Variants in HMCN1 observed in about 807,000 individuals in gnomAD.
HMCN1 encodes hemicentin 1.
HMCN1 carries 321 observed loss-of-function variants against 625.9 expected under a neutral mutation model. The observed-to-expected ratio is 0.51, with a 90% CI of 0.47 to 0.56. The LOEUF (loss-of-function observed/expected upper bound fraction) is 0.56, where lower values mean the gene tolerates loss of function less well. Ranked by LOEUF, HMCN1 falls within the 20% of genes least tolerant of loss-of-function variation. HMCN1 has a pLI of 0.00. For synonymous variants in HMCN1, 2,425 were observed against 2,417.6 expected (o/e 1.00, Z -0.09); for missense variants, 6,588 against 6,887.3 (o/e 0.96, Z 1.54).
At chr1:185,743,169 C>T (rs956988594) in intron 1 of HMCN1, among the ~76,000 whole-genome samples, 1 of 152,196 alleles carries the variant, frequency 6.6e-6, no homozygotes, top group African/African-American at 2.4e-5. Context: ...ATTTATCTTA[C>T]AGCCACACAA....
chr1:185,821,036 A>G (rs1571401450), intron 1 of HMCN1, among the ~76,000 whole-genome samples: 1 of 151,844 alleles, frequency 6.6e-6, no homozygotes, highest in Admixed American at 6.6e-5. Context: ...ATATATATGT[A>G]CATGTAATAT....
chr1:185,753,608 T>C (rs1654951090), intron 1 of HMCN1, among the ~76,000 whole-genome samples: 1 of 152,212 alleles, frequency 6.6e-6, no homozygotes, highest in Non-Finnish European at 1.5e-5. Flanking sequence ...TGAGCCACTT[T>C]AGTCCATCTT....
chr1:186,096,946 G>A (rs998265490), intron 68 of HMCN1, among the ~76,000 whole-genome samples: 1 of 152,012 alleles, frequency 6.6e-6, no homozygotes, highest in Non-Finnish European at 1.5e-5. Flanking sequence ...CACTAAACAG[G>A]AAAAAGTTGA....
At chr1:185,824,369 C>T (rs1320673857) in intron 1 of HMCN1, among the ~76,000 whole-genome samples, 1 of 152,146 alleles carries the variant, frequency 6.6e-6, no homozygotes, top group Non-Finnish European at 1.5e-5. Context: ...ACGTATCTCA[C>T]ACAGTCTGTT....
chr1:186,093,076 T>A, intron 64 of HMCN1, 58 bp from the exon 65 acceptor site: 1 of 1,608,394 alleles, frequency 6.2e-7, no homozygotes, highest in Non-Finnish European at 8.5e-7. Context: ...GGCTTTCATG[T>A]ACTTAGTGAA....
At chr1:185,856,209 C>T (rs566873047) in intron 2 of HMCN1, among the ~76,000 whole-genome samples, 1 of 152,298 alleles carries the variant, frequency 6.6e-6, no homozygotes, top group African/African-American at 2.4e-5. Context: ...CAGCTTTAGA[C>T]TAGGCGTGGT....
chr1:186,001,833 T>C, intron 28 of HMCN1, 92 bp downstream of exon 28: 2 of 1,049,040 alleles, frequency 1.9e-6, no homozygotes, highest in Non-Finnish European at 2.9e-6. Flanking sequence ...GAGAAAAAGA[T>C]AAATTGACAG....
At chr1:186,071,120 A>G (rs552096887) in intron 52 of HMCN1, among the ~76,000 whole-genome samples, 1 of 152,202 alleles carries the variant, frequency 6.6e-6, no homozygotes, top group East Asian at 1.9e-4. Flanking sequence ...TGCTGTTGTT[A>G]TTTTGCAGTT....
intron 82 of HMCN1, among the ~76,000 whole-genome samples, chr1:186,127,367 A>T (rs1166446240): frequency 6.6e-6 from 1 of 152,160 alleles, no homozygotes; most frequent in Non-Finnish European, 1.5e-5. Context: ...ACTGTATGAG[A>T]TCACCAAAAA....
Position 185,909,498 on chromosome 1 carries a change from C to T in HMCN1, c.783C>T (p.Arg261=), listed in dbSNP as rs759626331. 8.1e-6 allele frequency: 13 copies of T among 1,612,802 alleles called. No homozygotes were observed. Among genetic ancestry groups the T allele is most frequent in the Middle Eastern group, 3.3e-4 (2 of 6,046 alleles). The change falls in exon 5 of 107, where the codon CGC becomes CGT. Residue 261 remains arginine, a synonymous_variant. Transcript: ENST00000271588. ...LSGPSPMIEI[R]NPLGKLIKKG... ...GGCCTTCTCCAATGATTGAAATTCGCAATCCTTTAGGTGAGATATATCAAA... is the reference window on the plus strand; with the variant it reads ...GGCCTTCTCCAATGATTGAAATTCGTAATCCTTTAGGTGAGATATATCAAA...
chr1:186,185,227 G>A (rs7518663), intron 105 of HMCN1, among the ~76,000 whole-genome samples: 11,755 of 152,148 alleles, frequency 0.077, 1,237 homozygotes, highest in African/African-American at 0.24. Context: ...CACTATCATG[G>A]ACCCCTGCAG....
chr1:186,069,918 G>T (rs898062402), intron 51 of HMCN1, 142 bp downstream of exon 51: 18 of 687,244 alleles, frequency 2.6e-5, no homozygotes, highest in Non-Finnish European at 4.7e-5. Context: ...AAGGATGGAA[G>T]TTGAATTAAG....
At chr1:186,158,268 G>T (rs1386820359) in intron 97 of HMCN1, among the ~76,000 whole-genome samples, 1 of 150,584 alleles carries the variant, frequency 6.6e-6, no homozygotes, top group Non-Finnish European at 1.5e-5. Context: ...CATGTCCTTC[G>T]CCCACTTTTT....
intron 37 of HMCN1, 122 bp from the exon 38 acceptor site, chr1:186,038,707 A>C: frequency 1.5e-6 from 1 of 688,412 alleles, no homozygotes; most frequent in East Asian, 2.7e-5. Flanking sequence ...TGATTATGTA[A>C]ACAGATTAAA....
In HMCN1 at chr1:186,188,020, C is replaced by T. The variant is rs1653461930; in HGVS notation, c.16541+11C>T. ...GGATCCTGTTTCAGGGTATGTCTTG[C>T]CTTCTCATCCCAGACATGCTTTTGA... On this transcript the variant is annotated intron_variant, in intron 106 of 106. Transcript: ENST00000271588. The T allele has an allele frequency of 1.2e-6, 2 of 1,613,616 alleles. No homozygotes were observed. The highest frequency in any genetic ancestry group is 3.3e-5 in the Admixed American group (2 of 59,976).
At chr1:186,004,939 T>G (rs1653453886) in intron 29 of HMCN1, among the ~76,000 whole-genome samples, 1 of 151,910 alleles carries the variant, frequency 6.6e-6, no homozygotes, top group Non-Finnish European at 1.5e-5. Flanking sequence ...AAGAATAAGA[T>G]CAAGTTATGT....
At chr1:185,795,351 AAG>A (rs1658298410) in intron 1 of HMCN1, among the ~76,000 whole-genome samples, 1 of 152,172 alleles carries the variant, frequency 6.6e-6, no homozygotes, top group African/African-American at 2.4e-5. Flanking sequence ...TAAAAAAATA[AAG>A]AGTCATTTTA....
rs951336633 is a variant in HMCN1, at chr1:185,807,971, T to C, written c.269-38055T>C. ...TCTGAAGGTAGAGAGACAGTTCTGC[T>C]TCATATTGAAATTTCTAAATAATTT... On this transcript the variant is annotated intron_variant, in intron 1 of 106. Transcript: ENST00000271588. 4.6e-5 allele frequency among the ~76,000 whole-genome samples: 7 copies of C among 152,288 alleles called. No individual in the cohort carries two copies. The East Asian group carries it at 1.3e-3, about 29-fold the overall frequency.
chr1:185,922,277 G>T (rs55890842), intron 6 of HMCN1, 102 bp from the exon 7 acceptor site: 2 of 1,306,796 alleles, frequency 1.5e-6, no homozygotes, highest in Non-Finnish European at 2.2e-6. Context: ...TTTGGACATC[G>T]ATCCTAATTA....
Sources: allele counts gnomAD v4.1 joint callset (sites outside exome capture counted in the v4.1 genomes callset), GRCh38; gene constraint gnomAD v4.1.1; transcripts MANE v1.5; gene names NCBI Gene and HGNC (gene_info 2026-07-23, HGNC 2026-07-21).